LRCH1: variants seen among roughly 807,000 people sequenced by gnomAD.
The protein encoded by LRCH1 is leucine-rich repeat and calponin homology domain-containing protein 1.
In LRCH1, 23 loss-of-function variants were observed where a neutral mutation model predicts 94.9. The ratio of observed to expected loss-of-function variants is 0.24; its 90% CI spans 0.17 to 0.34. LRCH1 has a LOEUF of 0.34. Ranked by LOEUF, LRCH1 falls within the 10% of genes least tolerant of loss-of-function variation. LRCH1 has a pLI of 1.00. For synonymous variants in LRCH1, 364 were observed against 354.9 expected (o/e 1.03, Z -0.29); for missense variants, 790 against 945.9 (o/e 0.84, Z 2.16).
intron 1 of LRCH1, among the ~76,000 whole-genome samples, chr13:46,584,781 A>G (rs1370020360): frequency 6.6e-6 from 1 of 152,224 alleles, no homozygotes; most frequent in Non-Finnish European, 1.5e-5. Context: ...GTCTGATGAC[A>G]GTTTTATAAT....
intron 1 of LRCH1, among the ~76,000 whole-genome samples, chr13:46,584,304 C>T (rs1315020079): frequency 1.3e-5 from 2 of 152,106 alleles, no homozygotes; most frequent in Admixed American, 6.6e-5. Context: ...TTTGAGAGCT[C>T]GATACCCAAA....
intron 2 of LRCH1, among the ~76,000 whole-genome samples, chr13:46,656,501 G>C (rs147370850): frequency 1.3e-5 from 2 of 152,166 alleles, no homozygotes; most frequent in African/African-American, 4.8e-5. Context: ...ATATATTTTC[G>C]AGCTGGTCTT....
intron 1 of LRCH1, among the ~76,000 whole-genome samples, chr13:46,567,893 C>T (rs1480420211): frequency 6.6e-6 from 1 of 152,166 alleles, no homozygotes; most frequent in Non-Finnish European, 1.5e-5. Context: ...GCCCCTAATG[C>T]CTGCCTCTTA....
chr13:46,712,482 C>T, intron 14 of LRCH1, 43 bp from the exon 15 acceptor site: 1 of 1,429,172 alleles, frequency 7.0e-7, no homozygotes. Flanking sequence ...CTTCTGTTTT[C>T]CTTTTATTTT....
At chr13:46,626,983 T>G (rs2050958360) in intron 1 of LRCH1, among the ~76,000 whole-genome samples, 1 of 152,160 alleles carries the variant, frequency 6.6e-6, no homozygotes, top group Admixed American at 6.5e-5. Context: ...CAAATTAATG[T>G]TTGAGGAATG....
chr13:46,567,522 G>A (rs990958315), intron 1 of LRCH1, among the ~76,000 whole-genome samples: 3 of 151,868 alleles, frequency 2.0e-5, no homozygotes, highest in Non-Finnish European at 4.4e-5. Context: ...GTGTGTGTGT[G>A]TGTGTTTTCC....
Position 46,692,618 on chromosome 13 carries a change from G to A in LRCH1, c.1097G>A (p.Cys366Tyr). 2.5e-6 allele frequency: 4 copies of A among 1,613,912 alleles called. No homozygotes were observed. The highest frequency in any genetic ancestry group is 3.4e-6 in the Non-Finnish European group (4 of 1,179,896). The change falls in exon 8 of 20, where the codon TGC becomes TAC. Residue 366 changes from cysteine (C) to tyrosine (Y), a missense_variant. Cys to Tyr is a radical substitution (Grantham distance 194). Coordinates refer to ENST00000389797, the MANE Select transcript of LRCH1 (RefSeq NM_001164211.2). ...EEEQIIKEDSCHRLSPVKGEF... is the reference protein window; with the variant it reads ...EEEQIIKEDSYHRLSPVKGEF... ...GAACAGATCATCAAGGAGGACTCGT[G>A]CCATCGCCTTAGCCCCGTTAAAGGT... is the stretch of plus-strand genomic sequence containing the variant.
chr13:46,678,624 G>C (rs1483669861), intron 3 of LRCH1, among the ~76,000 whole-genome samples: 1 of 152,096 alleles, frequency 6.6e-6, no homozygotes. Context: ...CTCTAAATCA[G>C]AAGGAAAAAA....
chr13:46,692,873 A>G (rs1816545912), intron 8 of LRCH1, among the ~76,000 whole-genome samples: 1 of 152,122 alleles, frequency 6.6e-6, no homozygotes, highest in Admixed American at 6.5e-5. Flanking sequence ...AGTTTAAGTA[A>G]CTTGCCATTG....
At chr13:46,635,792 A>G (rs534618489) in intron 1 of LRCH1, among the ~76,000 whole-genome samples, 1 of 151,946 alleles carries the variant, frequency 6.6e-6, no homozygotes, top group African/African-American at 2.4e-5. Flanking sequence ...TTTTAAGAAC[A>G]TCACTCCATC....
At chr13:46,691,910 G>A (rs754868407) in intron 7 of LRCH1, among the ~76,000 whole-genome samples, 12 of 151,842 alleles carry the variant, frequency 7.9e-5, no homozygotes, top group African/African-American at 2.2e-4. Context: ...GGATGGTCTC[G>A]ATCTCTTGAT....
chr13:46,628,892 A>G (rs569721722), intron 1 of LRCH1, among the ~76,000 whole-genome samples: 1 of 152,344 alleles, frequency 6.6e-6, no homozygotes, highest in South Asian at 2.1e-4. Flanking sequence ...TTCGCAGTAT[A>G]GAAACATGTC....
chr13:46,702,283 C>G (rs979867544), intron 11 of LRCH1, among the ~76,000 whole-genome samples: 3 of 152,190 alleles, frequency 2.0e-5, no homozygotes, highest in Non-Finnish European at 4.4e-5. Context: ...AGGCAGATCA[C>G]TTGAGGCCAG....
In LRCH1 at chr13:46,689,203, T is replaced by C. The variant is rs1221598694; in HGVS notation, c.1014+7T>C. 1.9e-6 allele frequency: 3 copies of C among 1,609,030 alleles called. No homozygotes were observed. Among genetic ancestry groups the C allele is most frequent in the Non-Finnish European group, 2.5e-6 (3 of 1,176,584 alleles). ...GCGATTATCTGCCACCGAGGTAAAG[T>C]TAGTGATCAGATTCTTTTCCTTCTG... On this transcript the variant is annotated splice_region_variant and intron_variant, in intron 7 of 19. Transcript: ENST00000389797.
chr13:46,632,201 T>TAA (rs569633060), intron 1 of LRCH1, among the ~76,000 whole-genome samples: 24 of 142,660 alleles, frequency 1.7e-4, no homozygotes, highest in African/African-American at 3.4e-4. Flanking sequence ...AGACTCTGTC[T>TAA]AAAAAAAAAA....
intron 7 of LRCH1, among the ~76,000 whole-genome samples, chr13:46,692,322 C>T (rs985069865): frequency 6.6e-6 from 1 of 152,156 alleles, no homozygotes; most frequent in African/African-American, 2.4e-5. Flanking sequence ...AGCCCCACCC[C>T]GACCCCAAGA....
intron 1 of LRCH1, among the ~76,000 whole-genome samples, chr13:46,596,171 T>C (rs903341532): frequency 6.6e-6 from 1 of 152,184 alleles, no homozygotes; most frequent in African/African-American, 2.4e-5. Flanking sequence ...AATGTTTTTT[T>C]CCCTGGGAAC....
At position 46,626,887 on chromosome 13, in the gene LRCH1, C is replaced by T. The variant is rs572015540; in HGVS notation, c.308-23314C>T. ...AAAAAAACAGCAAAATGAAAAGGTT[C>T]GTAATATCCTGACTTCCTGTTTTAT... On this transcript the variant is annotated intron_variant, in intron 1 of 19. Transcript: ENST00000389797. 7.2e-5 allele frequency among the ~76,000 whole-genome samples: 11 copies of T among 152,160 alleles called. No homozygotes were observed. The South Asian group carries it at 1.9e-3, about 26-fold the overall frequency.
chr13:46,743,841 T>G lies in LRCH1; in HGVS notation c.*1993T>G. On this transcript the variant is annotated 3_prime_UTR_variant, in exon 20 of 20. Coordinates refer to ENST00000389797, the MANE Select transcript of LRCH1 (RefSeq NM_001164211.2). ...ATTTAATTTTCAGTGTTGATATAGT[T>G]CAATTAAAACATGTTAAAGACAAAT... 1 of 983,292 alleles carries G rather than the reference T, an allele frequency of 1.0e-6. No homozygotes were observed. The highest frequency in any genetic ancestry group is 1.2e-6 in the Non-Finnish European group (1 of 827,972). 60.9% of individuals were successfully genotyped at this position (983,292 alleles called of 1,614,324 possible).
Sources: gnomAD v4.1 joint callset for allele counts (sites outside exome capture counted in the v4.1 genomes callset) on GRCh38, gnomAD v4.1.1 for gene constraint, MANE v1.5 for transcripts, NCBI Gene and HGNC (gene_info 2026-07-23, HGNC 2026-07-21) for gene names.